Variants in USP6 observed in about 807,000 individuals in gnomAD.
USP6 encodes ubiquitin carboxyl-terminal hydrolase 6.
A neutral mutation model predicts 175.7 loss-of-function variants in USP6; 128 were observed. The observed-to-expected ratio is 0.73, with a 90% CI of 0.63 to 0.84. The LOEUF is 0.84. Among genes scored for constraint, USP6 ranks in the 40% least tolerant of loss-of-function variants. The pLI is 0.00. For missense variants in USP6, 1,498 were observed against 1,760.3 expected (o/e 0.85, Z 2.67); for synonymous variants, 562 against 630.6 (o/e 0.89, Z 1.63).
At position 5,170,655 on chromosome 17, in the gene USP6, G is replaced by C. The variant is rs778046375; in HGVS notation, c.3694G>C (p.Gly1232Arg). Residue 1232 changes from glycine to arginine, a missense_variant, in exon 36 of 38, where the codon GGG (glycine) becomes CGG (arginine). Physicochemically the swap from Gly to Arg is moderately radical, Grantham distance 125 (BLOSUM62 -2). Around this residue, in one of 2 missense-constraint regions of USP6, gnomAD observed 1,217 missense variants for 1,500.8 expected, o/e 0.81. Transcript: ENST00000574788. The stretch of plus-strand genomic sequence containing the variant: ...GAACTTGGATGCCAGCAAAGAGAAT[G>C]GGGCTGGGCAGATCTGTGAGCTGGC... Reference protein sequence around the residue: ...KKNLDASKENGAGQICELADA... With the variant: ...KKNLDASKENRAGQICELADA... 11 of 1,613,948 alleles carry C rather than the reference G, an allele frequency of 6.8e-6. No individual in the cohort carries two copies. In the Admixed American group the frequency reaches 1.8e-4, roughly 27 times the overall value.
At chr17:5,140,345 A>G (rs919174416) in intron 22 of USP6, among the ~76,000 whole-genome samples, 9 of 152,174 alleles carry the variant, frequency 5.9e-5, no homozygotes, top group Non-Finnish European at 1.2e-4. Context: ...CGGGAGGTTC[A>G]GGTTCACTTG....
intron 21 of USP6, chr17:5,138,989 G>A (rs752527420): frequency 4.0e-6 from 6 of 1,507,014 alleles, no homozygotes; most frequent in African/African-American, 2.8e-5. Flanking sequence ...GCCCTGGGAC[G>A]AAGGTGTGTG....
At chr17:5,171,809 G>T (rs778925568) in intron 37 of USP6, 130 bp downstream of exon 37, 1 of 1,034,706 alleles carries the variant, frequency 9.7e-7, no homozygotes, top group African/African-American at 1.6e-5. Flanking sequence ...GATGCTGTCA[G>T]TATTAAAGGA....
intron 35 of USP6, among the ~76,000 whole-genome samples, chr17:5,169,482 C>T (rs575134649): frequency 1.5e-3 from 236 of 152,280 alleles, no homozygotes; most frequent in Non-Finnish European, 2.4e-3. Context: ...GTCACCCAGG[C>T]TGGAGTGCAG....
intron 4 of USP6, among the ~76,000 whole-genome samples, chr17:5,123,416 C>T (rs1178363277): frequency 6.6e-6 from 1 of 151,962 alleles, no homozygotes; most frequent in African/African-American, 2.4e-5. Flanking sequence ...GGCGGGGCCT[C>T]CGTGAAGGCC....
intron 31 of USP6, among the ~76,000 whole-genome samples, chr17:5,157,405 ATTAT>A (rs530952160): frequency 5.9e-5 from 9 of 152,366 alleles, no homozygotes; most frequent in Admixed American, 5.2e-4. Context: ...TATTTAAATA[ATTAT>A]TTAAAGTATT....
At chr17:5,123,406 G>T (rs2072771563) in intron 4 of USP6, among the ~76,000 whole-genome samples, 1 of 151,352 alleles carries the variant, frequency 6.6e-6, no homozygotes, top group African/African-American at 2.4e-5. Flanking sequence ...GGCGTGGCGC[G>T]GCGGGGCCTC....
chr17:5,131,117 C>G (rs1444465238), intron 11 of USP6, among the ~76,000 whole-genome samples: 1 of 152,130 alleles, frequency 6.6e-6, no homozygotes, highest in Non-Finnish European at 1.5e-5. Context: ...CTGTCCTCCT[C>G]CATTTCCCTA....
At position 5,145,422 on chromosome 17, in the gene USP6, A is replaced by T; in HGVS notation, c.2010A>T (p.Leu670=). 3 of 1,607,852 alleles carry T rather than the reference A, an allele frequency of 1.9e-6. No homozygotes were observed. Among genetic ancestry groups the T allele is most frequent in the Admixed American group, 1.7e-5 (1 of 58,666 alleles). The change falls in exon 27 of 38, where the codon CTA becomes CTT. Residue 670 remains leucine, a synonymous_variant. Transcript: ENST00000574788. ...ATTGCTAGGCCTGGGACAACCATCT[A>T]AGAAGAAATAGATCAATTATTGTGG... ...EVAAEAWDNH[L]RRNRSIIVDL...
At position 5,148,646 on chromosome 17, in the gene USP6, C is replaced by G. The variant is rs370402174; in HGVS notation, c.2522C>G (p.Pro841Arg). The change falls in exon 30 of 38, where the codon CCA becomes CGA. Residue 841 changes from proline (P) to arginine (R), a missense_variant. Physicochemically the swap from Pro to Arg is moderately radical, Grantham distance 103 (BLOSUM62 -2). This residue lies in a region of USP6 where 1,217 missense variants were observed against 1,500.8 expected (regional missense o/e 0.81). Transcript: ENST00000574788. ...PKPIFIPNGM[P>R]NTVVPCGTEK... ...CCAATATTCATCCCCAATGGAATGC[C>G]AAACACTGTTGTGCCATGTGGAACT... The G allele has an allele frequency of 2.5e-6, 4 of 1,613,802 alleles. No homozygotes were observed. The highest frequency in any genetic ancestry group is 1.3e-5 in the African/African-American group (1 of 74,886).
chr17:5,149,859 A>G (rs1364006513), intron 30 of USP6, among the ~76,000 whole-genome samples: 2 of 152,178 alleles, frequency 1.3e-5, no homozygotes, highest in African/African-American at 4.8e-5. Flanking sequence ...TAATTGTTAA[A>G]GAGGTAGTCT....
intron 30 of USP6, among the ~76,000 whole-genome samples, chr17:5,152,020 G>T (rs1318561698): frequency 1.3e-5 from 2 of 152,042 alleles, no homozygotes; most frequent in Non-Finnish European, 2.9e-5. Context: ...GAGACGGACG[G>T]GTCACAAGGT....
In USP6 at chr17:5,132,957, G is replaced by A. The variant is rs1402504701; in HGVS notation, c.243G>A (p.Leu81=). The A allele has an allele frequency of 6.8e-6, 11 of 1,614,068 alleles. No individual in the cohort carries two copies. Among genetic ancestry groups the A allele is most frequent in the Non-Finnish European group, 9.3e-6 (11 of 1,180,030 alleles). ...MTRTSKWMEM[L]GEWETYKHSS... is the part of the protein sequence containing the mutation. The stretch of plus-strand genomic sequence containing the variant: ...GAACGAGCAAGTGGATGGAAATGCT[G>A]GGAGAATGGGAGACATATAAGCACA... The change falls in exon 13 of 38, where the codon CTG becomes CTA. Residue 81 remains leucine (L), a synonymous_variant. Coordinates refer to ENST00000574788, the MANE Select transcript of USP6 (RefSeq NM_001304284.2). This position sits in a 1 kb window ranked among gnomAD's most constrained non-coding sequence, Gnocchi z 4.7.
rs1429283519 is a variant in USP6 at position 5,168,905 on chromosome 17, C to G, written c.3367C>G (p.Leu1123Val). ...CCCGGCCCTCTGCCAGCATAAACCACTCACACCCCAGGGGGATGAGCTCTC... is the reference window on the plus strand; with the variant it reads ...CCCGGCCCTCTGCCAGCATAAACCAGTCACACCCCAGGGGGATGAGCTCTC... ...RDPALCQHKP[L>V]TPQGDELSKP... is the part of the protein sequence containing the mutation. Residue 1123 changes from leucine to valine, a missense_variant, in exon 35 of 38, where the codon CTC becomes GTC. Leu to Val is a conservative substitution (Grantham distance 32). Coordinates refer to ENST00000574788, the MANE Select transcript of USP6 (RefSeq NM_001304284.2). 6.2e-7 allele frequency: 1 copy of G among 1,613,984 alleles called. No individual in the cohort carries two copies. The highest frequency in any genetic ancestry group is 1.3e-5 in the African/African-American group (1 of 75,040).
chr17:5,172,712 G>C, intron 37 of USP6, 93 bp from the exon 38 acceptor site: 1 of 1,540,572 alleles, frequency 6.5e-7, no homozygotes, highest in Admixed American at 1.8e-5. Flanking sequence ...AATCAGGTTA[G>C]TAATTACAGA....
At position 5,133,415 on chromosome 17, in the gene USP6, G is replaced by A. The variant is rs777713867; in HGVS notation, c.277-28G>A. On this transcript the variant is annotated intron_variant, in intron 13 of 37. Coordinates refer to ENST00000574788, the MANE Select transcript of USP6 (RefSeq NM_001304284.2). ...CCTCACTGGGGTCACCCCATGGCCT[G>A]TGACACCAGATTCTTTTCTGCCCAC... The A allele has an allele frequency of 3.8e-6, 6 of 1,595,256 alleles. No individual in the cohort carries two copies. In the South Asian group the frequency reaches 5.5e-5, roughly 15 times the overall value.
At chr17:5,166,380 G>A (rs34716007) in intron 33 of USP6, among the ~76,000 whole-genome samples, 15,509 of 152,102 alleles carry the variant, frequency 0.1, 906 homozygotes, top group Middle Eastern at 0.12. Context: ...TGACAGCCTC[G>A]TGACTCTCAT....
In USP6 at chr17:5,139,520, C is replaced by G. The variant is rs1296712807; in HGVS notation, c.1344C>G (p.Phe448Leu). The G allele has an allele frequency of 3.7e-6, 6 of 1,613,688 alleles. No homozygotes were observed. Among genetic ancestry groups the G allele is most frequent in the African/African-American group, 1.3e-5 (1 of 74,930 alleles). ...GAGGACCTCAGGGTTCCTGGAGATT[C>G]CTGGAGTGGAAGTCAATGCCCCGGC... ...AQGGPQGSWR[F>L]LEWKSMPRLP... is the part of the protein sequence containing the mutation. Residue 448 changes from phenylalanine to leucine, a missense_variant, in exon 22 of 38, where the codon TTC becomes TTG. Phe to Leu is a conservative substitution (Grantham distance 22). Transcript: ENST00000574788.
Position 5,127,579 on chromosome 17 carries a change from C to A in USP6, c.-398C>A, listed in dbSNP as rs913871930. On this transcript the variant is annotated 5_prime_UTR_variant, in exon 7 of 38. Coordinates refer to ENST00000574788, the MANE Select transcript of USP6 (RefSeq NM_001304284.2). The stretch of plus-strand genomic sequence containing the variant: ...AATGGATGGATGAATGGACAGCAGT[C>A]CAGGGAGATGTCCCTGTGTGTCCTG... 6.6e-6 allele frequency: 1 copy of A among 152,222 alleles called. No homozygotes were observed. The allele number at this position is 152,222 out of a possible 1,614,324, so 9.4% of individuals were successfully genotyped here. A position where few individuals can be genotyped will look rare whatever the true frequency, so the allele number is the denominator to read the frequency against.
Sources: allele counts gnomAD v4.1 joint callset (sites outside exome capture counted in the v4.1 genomes callset), GRCh38; gene constraint gnomAD v4.1.1; regional missense constraint gnomAD v4.1.1; non-coding constraint Gnocchi (gnomAD v3.1); transcripts MANE v1.5; gene names NCBI Gene and HGNC (gene_info 2026-07-23, HGNC 2026-07-21).